Variants in MICAL3 observed in about 807,000 individuals in gnomAD.
MICAL3 encodes the protein microtubule associated monooxygenase, calponin and LIM domain containing 3, also known as [F-actin]-monooxygenase MICAL3.
In MICAL3, 62 loss-of-function variants were observed where a neutral mutation model predicts 207.4. That is an observed-to-expected ratio of 0.30 (90% confidence interval 0.24 to 0.37). MICAL3 has a LOEUF of 0.37. MICAL3 is among the 10% of genes least tolerant of loss of function. MICAL3 has a pLI of 1.00. For missense variants in MICAL3, 2,368 were observed against 2,635.6 expected, an observed-to-expected ratio of 0.90 and a Z score of 2.22; for synonymous variants, 1,077 against 1,069.3, an observed-to-expected ratio of 1.01 and a Z score of -0.14.
chr22:17,845,115 G>A (rs1924494922), intron 19 of MICAL3, among the ~76,000 whole-genome samples: 1 of 152,210 alleles, frequency 6.6e-6, no homozygotes, highest in Non-Finnish European at 1.5e-5. Context: ...GGGAGATAAA[G>A]TCAAGCAACT....
intron 22 of MICAL3, chr22:17,826,651 C>A: frequency 4.3e-6 from 1 of 232,392 alleles, no homozygotes; most frequent in Non-Finnish European, 7.1e-6. Context: ...TGTCTGGCAC[C>A]AACAAGGGGT....
At chr22:17,916,957 A>G (rs1425157399) in intron 1 of MICAL3, among the ~76,000 whole-genome samples, 1 of 152,220 alleles carries the variant, frequency 6.6e-6, no homozygotes, top group Non-Finnish European at 1.5e-5. Flanking sequence ...AAAATGTTTC[A>G]TAGGGCAAAA....
chr22:17,893,698 C>T (rs912745920), intron 11 of MICAL3, 110 bp downstream of exon 11: 20 of 783,984 alleles, frequency 2.6e-5, no homozygotes, highest in Non-Finnish European at 4.3e-5. Flanking sequence ...GCCACTGTCT[C>T]AGACAGTACT....
chr22:17,976,559 G>GTATATA (rs1569154060), intron 1 of MICAL3, among the ~76,000 whole-genome samples: 1 of 78,834 alleles, frequency 1.3e-5, no homozygotes, highest in Non-Finnish European at 2.2e-5. Context: ...GTGTGTGTGT[G>GTATATA]TGTATATATA....
chr22:17,892,906 T>C (rs530753255), intron 11 of MICAL3, among the ~76,000 whole-genome samples: 49 of 152,194 alleles, frequency 3.2e-4, no homozygotes, highest in African/African-American at 1.2e-3. Flanking sequence ...CCCCACAAGG[T>C]GATCAATTGC....
At chr22:17,809,254 A>C (rs1234685948) in intron 28 of MICAL3, among the ~76,000 whole-genome samples, 1 of 152,216 alleles carries the variant, frequency 6.6e-6, no homozygotes, top group East Asian at 1.9e-4. Flanking sequence ...GAGTACCAGA[A>C]CCTCAGACTG....
At chr22:17,858,074 TGGC>T (rs1926116704) in intron 19 of MICAL3, among the ~76,000 whole-genome samples, 1 of 152,260 alleles carries the variant, frequency 6.6e-6, no homozygotes, top group Non-Finnish European at 1.5e-5. Context: ...GGTGTTCACG[TGGC>T]TGGTAGAACC....
At chr22:17,890,407 C>T (rs1247405473) in intron 12 of MICAL3, among the ~76,000 whole-genome samples, 1 of 152,182 alleles carries the variant, frequency 6.6e-6, no homozygotes, top group Non-Finnish European at 1.5e-5. Flanking sequence ...ACAGAGCTGA[C>T]TCACCTGCCC....
intron 29 of MICAL3, among the ~76,000 whole-genome samples, chr22:17,795,065 C>T (rs2061861027): frequency 6.6e-6 from 1 of 152,232 alleles, no homozygotes; most frequent in Non-Finnish European, 1.5e-5. Flanking sequence ...TGTCTTTGAA[C>T]CCTTCCAGCG....
chr22:17,837,475 G>A (rs1322953130), intron 20 of MICAL3, among the ~76,000 whole-genome samples: 2 of 152,236 alleles, frequency 1.3e-5, no homozygotes, highest in East Asian at 3.8e-4. Context: ...TTCAGCACGT[G>A]GGCACTGCAC....
intron 19 of MICAL3, 85 bp downstream of exon 19, chr22:17,864,814 T>G: frequency 6.2e-7 from 1 of 1,613,908 alleles, no homozygotes; most frequent in Non-Finnish European, 8.5e-7. Context: ...AATGTTGCTT[T>G]GGAGGTGCTG....
At chr22:17,890,571 C>T (rs1930316104) in intron 12 of MICAL3, among the ~76,000 whole-genome samples, 1 of 152,192 alleles carries the variant, frequency 6.6e-6, no homozygotes, top group Non-Finnish European at 1.5e-5. Flanking sequence ...TTACCTCCAT[C>T]CAAGCACACC....
intron 3 of MICAL3, among the ~76,000 whole-genome samples, chr22:17,903,383 C>T (rs1259567673): frequency 6.6e-6 from 1 of 152,194 alleles, no homozygotes; most frequent in African/African-American, 2.4e-5. Flanking sequence ...CCTGCAGGCA[C>T]CAGGCATGGC....
At chr22:17,813,425 G>A (rs560572758) in intron 27 of MICAL3, 1 of 152,358 alleles carries the variant, frequency 6.6e-6, no homozygotes, top group South Asian at 2.1e-4. Flanking sequence ...GTGCGGAGCT[G>A]TGCTTCCCAA....
chr22:17,810,276 G>C lies in MICAL3; in HGVS notation c.5556+427C>G, dbSNP rs548046583. Among the ~76,000 whole-genome samples the C allele has an allele frequency of 4.3e-3, 654 of 152,110 alleles. 4 individuals carry two copies. Among genetic ancestry groups the C allele is most frequent in the African/African-American group, 0.015 (606 of 41,488 alleles). On this transcript the variant is annotated intron_variant, in intron 28 of 31. Transcript: ENST00000441493. ...ACGGGGGTTTCACCGTGTTAGCCAG[G>C]ATGGTCTCAATCTCCTGACCTTGTG...
chr22:17,805,302 C>T (rs1015968700), intron 29 of MICAL3, among the ~76,000 whole-genome samples: 33 of 152,222 alleles, frequency 2.2e-4, no homozygotes, highest in African/African-American at 7.7e-4. Flanking sequence ...AGCAGCAGCA[C>T]GCACACCTGG....
intron 18 of MICAL3, 103 bp downstream of exon 18, chr22:17,865,821 G>T: frequency 2.2e-6 from 2 of 894,846 alleles, no homozygotes. Flanking sequence ...TCCCAGGAGA[G>T]GCAAGGACGC....
intron 21 of MICAL3, among the ~76,000 whole-genome samples, chr22:17,828,768 G>C (rs1240007536): frequency 6.6e-6 from 1 of 152,202 alleles, no homozygotes; most frequent in Non-Finnish European, 1.5e-5. Context: ...GGGACAGCTA[G>C]CAACTGGGAA....
intron 20 of MICAL3, among the ~76,000 whole-genome samples, chr22:17,837,064 C>A (rs75907825): frequency 0.019 from 2,873 of 152,332 alleles, 95 homozygotes; most frequent in African/African-American, 0.063. Context: ...GGTTCCCTTC[C>A]CTGACAACTG....
Sources: gnomAD v4.1 joint callset for allele counts (sites outside exome capture counted in the v4.1 genomes callset) on GRCh38, gnomAD v4.1.1 for gene constraint, MANE v1.5 for transcripts, NCBI Gene and HGNC (gene_info 2026-07-23, HGNC 2026-07-21) for gene names.